WDR43: variants seen among roughly 807,000 people sequenced by gnomAD.
The protein encoded by WDR43 is WD repeat domain 43, also known as WD repeat-containing protein 43.
WDR43 carries 13 observed loss-of-function variants against 91.4 expected under a neutral mutation model. The ratio of observed to expected loss-of-function variants is 0.14; its 90% CI spans 0.09 to 0.23. WDR43 has a LOEUF of 0.23. Ranked by LOEUF, WDR43 falls within the 10% of genes least tolerant of loss-of-function variation. The probability of loss-of-function intolerance (pLI) is 1.00; values close to 1 mark genes in which losing one functional copy is unlikely to be tolerated. For synonymous variants in WDR43, 331 were observed against 287.9 expected, an observed-to-expected ratio of 1.15 and a Z score of -1.51; for missense variants, 780 against 809.4, an observed-to-expected ratio of 0.96 and a Z score of 0.44.
At chr2:28,909,183 G>T (rs1253572641) in intron 3 of WDR43, among the ~76,000 whole-genome samples, 1 of 151,998 alleles carries the variant, frequency 6.6e-6, no homozygotes, top group East Asian at 1.9e-4. Flanking sequence ...TTGTTGCCCA[G>T]CCTGGATTGC....
intron 3 of WDR43, 81 bp from the exon 4 acceptor site, chr2:28,912,509 G>C (rs1031466828): frequency 1.5e-5 from 23 of 1,521,918 alleles, no homozygotes; most frequent in Non-Finnish European, 2.0e-5. Context: ...TGATTGTTCA[G>C]TTTGTTTTTT....
chr2:28,902,032 A>G lies in WDR43; in HGVS notation c.271A>G (p.Ser91Gly). Residue 91 changes from serine (S) to glycine (G), a missense_variant, in exon 2 of 18, where the codon AGT becomes GGT. Transcript: ENST00000407426. ...KKRKSEAVGM[S>G]NQTDLLALGT... ...AAGGAAATCAGAAGCTGTAGGAATG[A>G]GTAACCAGACTGACTTATTGGCTCT... The G allele has an allele frequency of 6.2e-7, 1 of 1,608,944 alleles. No homozygotes were observed. Among genetic ancestry groups the G allele is most frequent in the Middle Eastern group, 1.7e-4 (1 of 6,052 alleles).
chr2:28,906,812 C>G (rs1337624935), intron 3 of WDR43, among the ~76,000 whole-genome samples: 2 of 152,142 alleles, frequency 1.3e-5, no homozygotes, highest in East Asian at 1.9e-4. Context: ...TAGCATGTGA[C>G]TATTTGTCAG....
chr2:28,927,731 G>A (rs1409630300), intron 10 of WDR43, 31 bp downstream of exon 10: 1 of 1,609,514 alleles, frequency 6.2e-7, no homozygotes, highest in Non-Finnish European at 8.5e-7. Context: ...ATATATTTGA[G>A]TTTGTGATTT....
intron 8 of WDR43, 45 bp downstream of exon 8, chr2:28,925,198 G>A (rs1671105843): frequency 6.8e-7 from 1 of 1,477,226 alleles, no homozygotes; most frequent in East Asian, 2.4e-5. Context: ...GCATCCCTGT[G>A]TCCATGGAAG....
At chr2:28,902,496 C>T (rs1284173546) in intron 2 of WDR43, among the ~76,000 whole-genome samples, 1 of 152,254 alleles carries the variant, frequency 6.6e-6, no homozygotes, top group Non-Finnish European at 1.5e-5. Flanking sequence ...TGTTGTGCTG[C>T]TGTTGCTGTC....
chr2:28,930,278 A>T, intron 11 of WDR43: 1 of 342,662 alleles, frequency 2.9e-6, no homozygotes, highest in Non-Finnish European at 5.8e-6. Context: ...GACTGCTTGT[A>T]TGAAGTTACT....
At position 28,914,145 on chromosome 2, in the gene WDR43, T is replaced by C. The variant is rs375251354; in HGVS notation, c.683T>C (p.Phe228Ser). Residue 228 changes from phenylalanine (F) to serine (S), a missense_variant, in exon 5 of 18, where the codon TTT (phenylalanine) becomes TCT (serine). This residue lies in a region of WDR43 where 174 missense variants were observed against 207.3 expected (regional missense o/e 0.84). Coordinates refer to ENST00000407426, the MANE Select transcript of WDR43 (RefSeq NM_015131.3). ...TIRPPNESQP[F>S]DGITGLYFLS... ...AGACCTCCTAATGAGAGCCAGCCCT[T>C]TGATGGAATTACAGGTCTTTATTTC... 17 of 1,613,834 alleles carry C rather than the reference T, an allele frequency of 1.1e-5. No individual in the cohort carries two copies. The highest frequency in any genetic ancestry group is 2.5e-6 in the Non-Finnish European group (3 of 1,179,866).
chr2:28,914,186 C>T lies in WDR43; in HGVS notation c.724C>T (p.His242Tyr), dbSNP rs369491733. The change falls in exon 5 of 18, where the codon CAT (histidine) becomes TAT (tyrosine). Residue 242 changes from histidine (H) to tyrosine (Y), a missense_variant. His to Tyr is a moderately conservative substitution (Grantham distance 83, BLOSUM62 2). Transcript: ENST00000407426. ...TGLYFLSGAVHDRLLNVWQVR... is the reference protein window; with the variant it reads ...TGLYFLSGAVYDRLLNVWQVR... ...TCTTTATTTCTTATCTGGAGCAGTACATGACCGGTTACTTAATGTCTGGTA... is the reference window on the plus strand; with the variant it reads ...TCTTTATTTCTTATCTGGAGCAGTATATGACCGGTTACTTAATGTCTGGTA... 6.2e-7 allele frequency: 1 copy of T among 1,613,498 alleles called. No homozygotes were observed. Among genetic ancestry groups the T allele is most frequent in the African/African-American group, 1.3e-5 (1 of 74,900 alleles).
chr2:28,945,563 C>T (rs1005772444), intron 16 of WDR43, among the ~76,000 whole-genome samples: 9 of 152,124 alleles, frequency 5.9e-5, no homozygotes, highest in Non-Finnish European at 1.0e-4. Context: ...TTAATTTGCT[C>T]CTCTAAGCTA....
intron 10 of WDR43, among the ~76,000 whole-genome samples, 181 bp from the exon 11 acceptor site, chr2:28,929,398 A>G (rs991884726): frequency 8.5e-5 from 13 of 152,134 alleles, no homozygotes; most frequent in African/African-American, 2.7e-4. Context: ...TGGATTGCAG[A>G]TGTTTGTCTC....
chr2:28,895,142 C>T, intron 1 of WDR43: 2 of 383,158 alleles, frequency 5.2e-6, no homozygotes, highest in Non-Finnish European at 8.9e-6. Flanking sequence ...CGGCCGGCCT[C>T]GTATCCGAGC....
At chr2:28,924,715 C>G (rs1047730233) in intron 7 of WDR43, among the ~76,000 whole-genome samples, 1 of 151,996 alleles carries the variant, frequency 6.6e-6, no homozygotes. Flanking sequence ...GAACGTTTGG[C>G]AGCTTGGGGC....
Position 28,927,691 on chromosome 2 carries a change from G to A in WDR43, c.1296G>A (p.Gly432=), listed in dbSNP as rs370215735. 68 of 1,613,876 alleles carry A rather than the reference G, an allele frequency of 4.2e-5. No homozygotes were observed. The highest frequency in any genetic ancestry group is 2.9e-4 in the East Asian group (13 of 44,874). ...AAGTAGAGAGCAAGAGGAAGTCAGG[G>A]GGAAATGAGGTAATGCAACTGCTTT... ...TEQVESKRKS[G]GNEVSIEERL... Residue 432 remains glycine (G), a synonymous_variant, in exon 10 of 18, where the codon GGG becomes GGA. Transcript: ENST00000407426.
intron 3 of WDR43, among the ~76,000 whole-genome samples, chr2:28,911,640 T>G (rs942104820): frequency 6.7e-6 from 1 of 149,344 alleles, no homozygotes; most frequent in Non-Finnish European, 1.5e-5. Context: ...TTACTTGCCT[T>G]TTTTTTTTGG....
At chr2:28,921,441 T>C (rs78699878) in intron 6 of WDR43, among the ~76,000 whole-genome samples, 1,908 of 152,284 alleles carry the variant, frequency 0.013, 28 homozygotes, top group African/African-American at 0.04. Flanking sequence ...AATGATTTTT[T>C]AAGATATTAA....
intron 14 of WDR43, among the ~76,000 whole-genome samples, chr2:28,940,377 A>G (rs1003664076): frequency 1.3e-5 from 2 of 151,842 alleles, no homozygotes; most frequent in African/African-American, 4.8e-5. Context: ...TTACAGGCAC[A>G]TGCCACCATG....
chr2:28,946,571 A>T, intron 17 of WDR43, 29 bp from the exon 18 acceptor site: 1 of 1,574,458 alleles, frequency 6.4e-7, no homozygotes, highest in Non-Finnish European at 8.6e-7. Context: ...GACCTTCATG[A>T]ATGCTTTCCT....
At position 28,941,297 on chromosome 2, in the gene WDR43, C is replaced by T. The variant is rs181134013; in HGVS notation, c.1621-164C>T. 6.4e-4 allele frequency among the ~76,000 whole-genome samples: 98 copies of T among 152,180 alleles called. 1 individual carries two copies. In the South Asian group the frequency reaches 9.8e-3, roughly 15 times the overall value. ...ACATTGAGGGTCTTCTGTGAAAATTCGTGATGTTGTTAGGCTATGTTGCAG... is the reference window on the plus strand; with the variant it reads ...ACATTGAGGGTCTTCTGTGAAAATTTGTGATGTTGTTAGGCTATGTTGCAG... On this transcript the variant is annotated intron_variant, in intron 14 of 17. Coordinates refer to ENST00000407426, the MANE Select transcript of WDR43 (RefSeq NM_015131.3).
Sources: gnomAD v4.1 joint callset for allele counts (sites outside exome capture counted in the v4.1 genomes callset) on GRCh38, gnomAD v4.1.1 for gene constraint, gnomAD v4.1.1 regional missense constraint, MANE v1.5 for transcripts, NCBI Gene and HGNC (gene_info 2026-07-23, HGNC 2026-07-21) for gene names.